WDR72: variants seen among roughly 807,000 people sequenced by gnomAD.
The protein encoded by WDR72 is WD repeat domain 72.
Under a neutral mutation model 124.2 loss-of-function variants are expected in WDR72, and 120 were observed. The ratio of observed to expected loss-of-function variants is 0.97; its 90% confidence interval spans 0.83 to 1.12. The LOEUF is 1.12. Ranked by LOEUF, WDR72 falls within the 50% of genes most tolerant of loss-of-function variation. The pLI is 0.00. For missense variants in WDR72, 1,387 were observed against 1,278.8 expected (o/e 1.08, Z -1.29); for synonymous variants, 452 against 441.7 (o/e 1.02, Z -0.29).
At chr15:53,543,562 C>A (rs1254961174) in intron 18 of WDR72, among the ~76,000 whole-genome samples, 1 of 149,760 alleles carries the variant, frequency 6.7e-6, no homozygotes, top group African/African-American at 2.5e-5. Context: ...AAAATTGACA[C>A]CCTAACATCA....
intron 2 of WDR72, among the ~76,000 whole-genome samples, 182 bp from the exon 3 acceptor site, chr15:53,723,090 T>C (rs542475077): frequency 5.3e-5 from 8 of 152,316 alleles, no homozygotes; most frequent in East Asian, 3.9e-4. Flanking sequence ...GGTAGAGGAA[T>C]TGTGCTGTAG....
intron 14 of WDR72, among the ~76,000 whole-genome samples, chr15:53,618,607 C>T (rs962378112): frequency 5.3e-5 from 8 of 152,028 alleles, no homozygotes; most frequent in African/African-American, 1.9e-4. Context: ...AGGGATTATT[C>T]TGCAGTCTCT....
chr15:53,617,259 A>G (rs532984851), intron 14 of WDR72, among the ~76,000 whole-genome samples: 1 of 151,948 alleles, frequency 6.6e-6, no homozygotes, highest in South Asian at 2.1e-4. Context: ...GTATATATAA[A>G]TATACATATA....
intron 18 of WDR72, among the ~76,000 whole-genome samples, chr15:53,570,187 A>G (rs1210797194): frequency 6.6e-6 from 1 of 152,036 alleles, no homozygotes; most frequent in East Asian, 1.9e-4. Flanking sequence ...TGGGCACAAC[A>G]TGATGTTTCG....
Position 53,597,186 on chromosome 15 carries a change from A to G in WDR72, c.3041T>C (p.Val1014Ala), listed in dbSNP as rs2012819264. ...ACAGTTACCATTCTCTGCCATGGACACTGGTTGACTATTGACGGGTATCTT... is the reference window on the plus strand; with the variant it reads ...ACAGTTACCATTCTCTGCCATGGACGCTGGTTGACTATTGACGGGTATCTT... ...LGKIPVNSQP[V>A]SMAENGNCEM... Residue 1014 changes from valine to alanine, a missense_variant, in exon 18 of 20, where the codon GTG (valine) becomes GCG (alanine). Physicochemically the swap from Val to Ala is moderately conservative, Grantham distance 64. Coordinates refer to ENST00000360509, the MANE Select transcript of WDR72 (RefSeq NM_182758.4). 1.9e-6 allele frequency: 3 copies of G among 1,613,918 alleles called. No individual in the cohort carries two copies. The East Asian group carries it at 6.7e-5, about 36-fold the overall frequency.
At position 53,517,249 on chromosome 15, in the gene WDR72, A is replaced by G. The variant is rs1566936525; in HGVS notation, c.*450T>C. On this transcript the variant is annotated 3_prime_UTR_variant, in exon 20 of 20. Transcript: ENST00000360509. ...ACAAAATATCCTAACCAGACAAATCAAAGTTGGTAAAATTTTAGATTAAAT... is the reference window on the plus strand; with the variant it reads ...ACAAAATATCCTAACCAGACAAATCGAAGTTGGTAAAATTTTAGATTAAAT... 1 of 165,506 alleles carries G rather than the reference A, an allele frequency of 6.0e-6. No individual in the cohort carries two copies. The highest frequency in any genetic ancestry group is 1.3e-5 in the Non-Finnish European group (1 of 76,070). 10.3% of individuals were successfully genotyped at this position (165,506 alleles called of 1,614,324 possible). A position where few individuals can be genotyped will look rare whatever the true frequency, so the allele number is the denominator to read the frequency against.
At chr15:53,588,799 A>G (rs949544615) in intron 18 of WDR72, among the ~76,000 whole-genome samples, 5 of 150,380 alleles carry the variant, frequency 3.3e-5, no homozygotes, top group African/African-American at 1.2e-4. Flanking sequence ...ACAGAATTGC[A>G]TTTGATGGAG....
In WDR72 at chr15:53,717,593, C is replaced by T. The variant is rs181164434; in HGVS notation, c.261-908G>A. 9.0e-3 allele frequency among the ~76,000 whole-genome samples: 1,370 copies of T among 152,122 alleles called. 18 individuals are homozygous for T. The highest frequency in any genetic ancestry group is 0.012 in the Non-Finnish European group (831 of 67,954). Reference sequence around the variant, plus strand: ...TGGGGCAATTTTGCTACCCCTTATTCCCCCTACATTCCAAGGACACTTGGT... The same window carrying T: ...TGGGGCAATTTTGCTACCCCTTATTTCCCCTACATTCCAAGGACACTTGGT... On this transcript the variant is annotated intron_variant, in intron 3 of 19. Coordinates refer to ENST00000360509, the MANE Select transcript of WDR72 (RefSeq NM_182758.4).
chr15:53,603,310 A>G (rs1313497853), intron 17 of WDR72, among the ~76,000 whole-genome samples: 6 of 152,176 alleles, frequency 3.9e-5, no homozygotes, highest in Non-Finnish European at 8.8e-5. Flanking sequence ...AAAACTCTCA[A>G]TAAAGAAGAT....
intron 14 of WDR72, among the ~76,000 whole-genome samples, 171 bp from the exon 15 acceptor site, chr15:53,616,414 T>C (rs2013769273): frequency 6.6e-6 from 1 of 151,996 alleles, no homozygotes; most frequent in Non-Finnish European, 1.5e-5. Context: ...TTAAATATTC[T>C]ATATTCTAAC....
At chr15:53,646,872 C>T (rs1354590318) in intron 14 of WDR72, among the ~76,000 whole-genome samples, 2 of 151,702 alleles carry the variant, frequency 1.3e-5, no homozygotes, top group Non-Finnish European at 2.9e-5. Flanking sequence ...GTCTCATAAC[C>T]AAAAATAAAA....
intron 2 of WDR72, among the ~76,000 whole-genome samples, chr15:53,730,030 G>C (rs910602912): frequency 6.6e-6 from 1 of 152,156 alleles, no homozygotes; most frequent in Non-Finnish European, 1.5e-5. Context: ...GTACCCAAAA[G>C]AGTTGAAAGC....
At chr15:53,705,330 A>G in intron 10 of WDR72, 97 bp from the exon 11 acceptor site, 1 of 1,122,502 alleles carries the variant, frequency 8.9e-7, no homozygotes, top group Non-Finnish European at 1.3e-6. Flanking sequence ...ATATGAATAC[A>G]GTGTTACAGC....
chr15:53,530,974 C>G (rs903825120), intron 18 of WDR72, among the ~76,000 whole-genome samples: 3 of 152,014 alleles, frequency 2.0e-5, no homozygotes, highest in African/African-American at 7.2e-5. Context: ...ACAGCCATCT[C>G]TATCTCAAGG....
At chr15:53,696,560 T>A (rs1237034126) in intron 13 of WDR72, among the ~76,000 whole-genome samples, 1 of 152,242 alleles carries the variant, frequency 6.6e-6, no homozygotes, top group African/African-American at 2.4e-5. Context: ...TACCTTCAAA[T>A]AGCTCTTTTC....
intron 2 of WDR72, among the ~76,000 whole-genome samples, chr15:53,726,175 G>A (rs2018019659): frequency 1.0e-5 from 1 of 96,038 alleles, no homozygotes; most frequent in South Asian, 4.1e-4. Flanking sequence ...TTAATTGGTT[G>A]TAATATATAT....
intron 18 of WDR72, among the ~76,000 whole-genome samples, chr15:53,594,664 T>G (rs1419057803): frequency 1.3e-5 from 2 of 150,934 alleles, no homozygotes; most frequent in Non-Finnish European, 2.9e-5. Context: ...TGGTGGTGCT[T>G]GCCTATAGTC....
At chr15:53,645,259 C>T (rs555347649) in intron 14 of WDR72, among the ~76,000 whole-genome samples, 412 of 152,214 alleles carry the variant, frequency 2.7e-3, no homozygotes, top group Non-Finnish European at 4.2e-3. Context: ...CAGATGGACA[C>T]TTTCTGTGAC....
chr15:53,700,826 C>T (rs1443235259), intron 12 of WDR72, among the ~76,000 whole-genome samples: 1 of 152,034 alleles, frequency 6.6e-6, no homozygotes, highest in Non-Finnish European at 1.5e-5. Flanking sequence ...ACTTGCAGAA[C>T]GGATCATATG....
Sources: allele counts gnomAD v4.1 joint callset (sites outside exome capture counted in the v4.1 genomes callset), GRCh38; gene constraint gnomAD v4.1.1; transcripts MANE v1.5; gene names NCBI Gene and HGNC (gene_info 2026-07-23, HGNC 2026-07-21).